CDH1: variants seen among roughly 807,000 people sequenced by gnomAD.
CDH1 encodes cadherin-1.
A neutral mutation model predicts 84.5 loss-of-function variants in CDH1; 35 were observed. That is an observed-to-expected ratio of 0.41 (90% confidence interval 0.32 to 0.55). The LOEUF is 0.55. Ranked by LOEUF, CDH1 falls within the 20% of genes least tolerant of loss-of-function variation. The probability of loss-of-function intolerance (pLI) is 0.19; values close to 1 mark genes in which losing one functional copy is unlikely to be tolerated. For missense variants in CDH1, 994 were observed against 1,126.6 expected (o/e 0.88, Z 1.68); for synonymous variants, 417 against 439.0 (o/e 0.95, Z 0.63).
rs568250252 is a variant in CDH1 at position 68,760,016 on chromosome 16, G to A, written c.163+21605G>A. On this transcript the variant is annotated intron_variant, in intron 2 of 15. Coordinates refer to ENST00000261769, the MANE Select transcript of CDH1 (RefSeq NM_004360.5). ...ATCCCCTTTTCCACCGTGCCCGGCT[G>A]AGTTTTTAAAATTCTAGTTTTCCAC... is the stretch of plus-strand genomic sequence containing the variant. Among the ~76,000 whole-genome samples, 111 of 151,120 alleles carry A rather than the reference G, an allele frequency of 7.3e-4. No individual in the cohort carries two copies. The South Asian group carries it at 0.022, about 30-fold the overall frequency.
Position 68,823,380 on chromosome 16 carries a change from T to C in CDH1, c.1937-19T>C, listed in dbSNP as rs1961221960. 1 of 1,564,442 alleles carries C rather than the reference T, an allele frequency of 6.4e-7. No individual in the cohort carries two copies. The highest frequency in any genetic ancestry group is 8.8e-7 in the Non-Finnish European group (1 of 1,135,370). ...TTTCCTCCCCTGGTCTCATCATTTC[T>C]TTTTATTGCTTTCTCCAGCCCAAGA... On this transcript the variant is annotated intron_variant, in intron 12 of 15. Transcript: ENST00000261769.
intron 2 of CDH1, among the ~76,000 whole-genome samples, chr16:68,741,856 A>G (rs748504785): frequency 1.3e-5 from 2 of 152,086 alleles, no homozygotes; most frequent in Non-Finnish European, 2.9e-5. Flanking sequence ...TTTTTAGTAG[A>G]GACAGGATTT....
intron 2 of CDH1, among the ~76,000 whole-genome samples, chr16:68,743,048 G>A (rs575069995): frequency 6.6e-6 from 1 of 152,214 alleles, no homozygotes; most frequent in Non-Finnish European, 1.5e-5. Flanking sequence ...CTTCCTCCCA[G>A]TGGGGCCCTG....
intron 2 of CDH1, among the ~76,000 whole-genome samples, chr16:68,774,880 G>T (rs1285107961): frequency 6.6e-6 from 1 of 152,168 alleles, no homozygotes; most frequent in Non-Finnish European, 1.5e-5. Flanking sequence ...AATCCACGTG[G>T]TTAGTTTGGT....
At position 68,771,496 on chromosome 16, in the gene CDH1, G is replaced by A. The variant is rs138725710; in HGVS notation, c.164-30174G>A. On this transcript the variant is annotated intron_variant, in intron 2 of 15. Coordinates refer to ENST00000261769, the MANE Select transcript of CDH1 (RefSeq NM_004360.5). ...TAGCCGGGCGCGGTGGCTCACGCCT[G>A]TAATCCCAGCACTTTGGGAGGTGGA... Among the ~76,000 whole-genome samples the A allele has an allele frequency of 3.2e-3, 484 of 152,190 alleles. 2 individuals carry two copies. The highest frequency in any genetic ancestry group is 0.01 in the African/African-American group (429 of 41,540).
In CDH1 at chr16:68,828,096, T is replaced by C. The variant is rs1157534358; in HGVS notation, c.2165-78T>C. The stretch of plus-strand genomic sequence containing the variant: ...ACTGCCCCCTGTCTGGTATGAGGGG[T>C]GCTCTGTGATAGCTGCTGCTTCTGG... On this transcript the variant is annotated intron_variant, in intron 13 of 15. Coordinates refer to ENST00000261769, the MANE Select transcript of CDH1 (RefSeq NM_004360.5). 22 of 1,539,470 alleles carry C rather than the reference T, an allele frequency of 1.4e-5. No homozygotes were observed. In the Admixed American group the frequency reaches 3.7e-4, roughly 26 times the overall value.
chr16:68,814,056 G>A (rs1960919932), intron 9 of CDH1, among the ~76,000 whole-genome samples: 1 of 151,346 alleles, frequency 6.6e-6, no homozygotes, highest in South Asian at 2.1e-4. Context: ...CCAACATGGT[G>A]AAACCCCATC....
chr16:68,807,282 G>A (rs1960690763), intron 3 of CDH1, among the ~76,000 whole-genome samples: 1 of 152,140 alleles, frequency 6.6e-6, no homozygotes, highest in Non-Finnish European at 1.5e-5. Flanking sequence ...GAGATGAAGA[G>A]ATTTATATTG....
chr16:68,780,037 C>T (rs912771394), intron 2 of CDH1, among the ~76,000 whole-genome samples: 2 of 152,214 alleles, frequency 1.3e-5, no homozygotes, highest in Non-Finnish European at 2.9e-5. Context: ...TTGTCACTGA[C>T]TACCCTTGTG....
At chr16:68,748,747 C>T (rs1361793430) in intron 2 of CDH1, among the ~76,000 whole-genome samples, 1 of 152,246 alleles carries the variant, frequency 6.6e-6, no homozygotes, top group East Asian at 1.9e-4. Context: ...CGTTTAGAGA[C>T]AGTCGGTTCC....
chr16:68,738,809 G>A (rs1296308319), intron 2 of CDH1, among the ~76,000 whole-genome samples: 1 of 151,930 alleles, frequency 6.6e-6, no homozygotes, highest in Non-Finnish European at 1.5e-5. Context: ...ACTTGCTCAG[G>A]GTCAGCAGAG....
At chr16:68,787,681 T>C (rs967225776) in intron 2 of CDH1, among the ~76,000 whole-genome samples, 4 of 151,864 alleles carry the variant, frequency 2.6e-5, no homozygotes, top group African/African-American at 9.7e-5. Context: ...TTTTTGGAGA[T>C]AGAGTCTTGC....
chr16:68,797,685 C>T (rs757397925), intron 2 of CDH1, among the ~76,000 whole-genome samples: 1 of 152,076 alleles, frequency 6.6e-6, no homozygotes, highest in Non-Finnish European at 1.5e-5. Context: ...AAAAAGCACA[C>T]AAATAAAATT....
intron 2 of CDH1, among the ~76,000 whole-genome samples, chr16:68,775,125 CAAAAAAAAAA>C (rs58497601): frequency 9.2e-6 from 1 of 108,162 alleles, no homozygotes; most frequent in Non-Finnish European, 2.1e-5. Context: ...GGCCCTGTCT[CAAAAAAAAAA>C]AAAAAAGAAA....
At chr16:68,749,818 T>C (rs1962842581) in intron 2 of CDH1, among the ~76,000 whole-genome samples, 1 of 152,160 alleles carries the variant, frequency 6.6e-6, no homozygotes, top group Non-Finnish European at 1.5e-5. Context: ...ACTCAGCATC[T>C]CCAGTGGGAC....
chr16:68,828,622 C>A (rs537088254), intron 14 of CDH1, among the ~76,000 whole-genome samples: 1 of 152,334 alleles, frequency 6.6e-6, no homozygotes, highest in African/African-American at 2.4e-5. Flanking sequence ...CTGCCTTCCT[C>A]ATTGCCATTC....
chr16:68,758,017 T>G (rs1002411583), intron 2 of CDH1, among the ~76,000 whole-genome samples: 6 of 147,756 alleles, frequency 4.1e-5, no homozygotes, highest in African/African-American at 1.5e-4. Context: ...TTTTGCCATG[T>G]TGCCCAGGCT....
intron 6 of CDH1, among the ~76,000 whole-genome samples, chr16:68,810,946 T>G (rs1307526229): frequency 2.6e-5 from 4 of 151,734 alleles, no homozygotes; most frequent in Non-Finnish European, 5.9e-5. Flanking sequence ...GCCCAAGCAA[T>G]CCTCCCACCT....
chr16:68,751,839 T>C (rs981373338), intron 2 of CDH1, among the ~76,000 whole-genome samples: 1 of 151,936 alleles, frequency 6.6e-6, no homozygotes, highest in Non-Finnish European at 1.5e-5. Flanking sequence ...TCTTGCTCTG[T>C]CACCCAGGCT....
Sources: allele counts gnomAD v4.1 joint callset (sites outside exome capture counted in the v4.1 genomes callset), GRCh38; gene constraint gnomAD v4.1.1; transcripts MANE v1.5; gene names NCBI Gene and HGNC (gene_info 2026-07-23, HGNC 2026-07-21).